PLEKHG1: variants seen among roughly 807,000 people sequenced by gnomAD.
PLEKHG1 encodes the protein pleckstrin homology domain-containing family G member 1.
PLEKHG1 carries 44 observed loss-of-function variants against 100.8 expected under a neutral mutation model. The ratio of observed to expected loss-of-function variants is 0.44; its 90% confidence interval spans 0.34 to 0.56. PLEKHG1 has a LOEUF of 0.56. Ranked by LOEUF, PLEKHG1 falls within the 20% of genes least tolerant of loss-of-function variation. PLEKHG1 has a pLI of 0.01. For missense variants in PLEKHG1, 1,545 were observed against 1,720.9 expected (o/e 0.90, Z 1.81); for synonymous variants, 640 against 662.5 (o/e 0.97, Z 0.52).
At chr6:150,693,245 G>A (rs535252793) in intron 3 of PLEKHG1, among the ~76,000 whole-genome samples, 36 of 152,198 alleles carry the variant, frequency 2.4e-4, no homozygotes, top group African/African-American at 8.7e-4. Flanking sequence ...CCAAGATCAC[G>A]CCACTGCACT....
At chr6:150,710,913 A>G (rs1781220456) in intron 3 of PLEKHG1, among the ~76,000 whole-genome samples, 1 of 152,152 alleles carries the variant, frequency 6.6e-6, no homozygotes, top group East Asian at 1.9e-4. Flanking sequence ...ACGTTTCCAT[A>G]GTGCCTGTGC....
intron 2 of PLEKHG1, among the ~76,000 whole-genome samples, chr6:150,742,386 G>A (rs1782912044): frequency 1.3e-5 from 2 of 152,080 alleles, no homozygotes; most frequent in Admixed American, 1.3e-4. Context: ...CCAACATGGT[G>A]AAACCCTGTC....
intron 6 of PLEKHG1, among the ~76,000 whole-genome samples, chr6:150,801,488 C>T (rs1470258550): frequency 1.4e-5 from 2 of 140,618 alleles, no homozygotes; most frequent in Non-Finnish European, 3.0e-5. Flanking sequence ...CCCAGGCTGG[C>T]GTACAGTGGT....
At chr6:150,810,527 AAAG>A (rs1787445307) in intron 10 of PLEKHG1, among the ~76,000 whole-genome samples, 1 of 88,060 alleles carries the variant, frequency 1.1e-5, no homozygotes, top group Admixed American at 1.0e-4. Flanking sequence ...AGAAAGAAAG[AAAG>A]AAAGAAAGGA....
At chr6:150,804,587 A>AC in intron 6 of PLEKHG1, 23 bp from the exon 8 acceptor site, 1 of 1,458,766 alleles carries the variant, frequency 6.9e-7, no homozygotes, top group Non-Finnish European at 9.2e-7. Context: ...AAAAAAAAAA[A>AC]CCCTCGTTCT....
intron 3 of PLEKHG1, among the ~76,000 whole-genome samples, chr6:150,712,108 C>A (rs1781262327): frequency 6.6e-6 from 1 of 152,176 alleles, no homozygotes; most frequent in Non-Finnish European, 1.5e-5. Flanking sequence ...AGTGGGAAGC[C>A]TTAGCCACTG....
intron 1 of PLEKHG1, among the ~76,000 whole-genome samples, chr6:150,631,253 G>A (rs1398534542): frequency 6.6e-6 from 1 of 151,642 alleles, no homozygotes; most frequent in African/African-American, 2.4e-5. Flanking sequence ...TTCAATTCCT[G>A]TCTCTCTCTC....
In PLEKHG1 at chr6:150,838,815, A is replaced by C. The variant is rs113713621; in HGVS notation, c.3095-1018A>C. ...TAGAGAGCATTAGATTATTGAGTAC[A>C]TGCACAGACGGTTCCTTCTTAATGT... On this transcript the variant is annotated intron_variant, in intron 15 of 15. Coordinates refer to ENST00000358517, the Ensembl canonical transcript of PLEKHG1. Among the ~76,000 whole-genome samples the C allele has an allele frequency of 1.7e-3, 261 of 152,342 alleles. 2 individuals carry two copies. Among genetic ancestry groups the C allele is most frequent in the Middle Eastern group, 6.8e-3 (2 of 294 alleles).
chr6:150,806,223 C>CTTTTTTTT (rs58040509), intron 7 of PLEKHG1, among the ~76,000 whole-genome samples: 1 of 89,782 alleles, frequency 1.1e-5, no homozygotes, highest in Non-Finnish European at 2.1e-5. Context: ...TTCCAGGCTG[C>CTTTTTTTT]TTTTTTTTTT....
chr6:150,786,618 G>A (rs1583128889), intron 4 of PLEKHG1, among the ~76,000 whole-genome samples, 159 bp downstream of exon 5: 1 of 152,124 alleles, frequency 6.6e-6, no homozygotes. Context: ...TATTGTTCCT[G>A]GAGCCAGGGA....
intron 10 of PLEKHG1, among the ~76,000 whole-genome samples, chr6:150,813,101 C>T (rs1449384826): frequency 6.6e-6 from 1 of 151,918 alleles, no homozygotes; most frequent in Non-Finnish European, 1.5e-5. Context: ...GTCAGGAGAT[C>T]AAGACCATCC....
chr6:150,841,321 G>T (rs1777523809), exon 16 of PLEKHG1: 1 of 267,304 alleles, frequency 3.7e-6, no homozygotes, highest in Admixed American at 5.1e-5. Context: ...GAAAGCTGTT[G>T]AAAGAATTAT....
chr6:150,843,117 A>C (rs1373797779), exon 16 of PLEKHG1: 1 of 152,078 alleles, frequency 6.6e-6, no homozygotes, highest in Non-Finnish European at 1.5e-5. Flanking sequence ...TCGCTTTTTG[A>C]TTGGTATTAT....
rs142012639 is a variant in PLEKHG1, at chr6:150,696,493, C to T, written c.-98-37091C>T. 6.0e-3 allele frequency among the ~76,000 whole-genome samples: 920 copies of T among 152,278 alleles called. 10 individuals carry two copies. Among genetic ancestry groups the T allele is most frequent in the African/African-American group, 0.021 (856 of 41,544 alleles). On this transcript the variant is annotated intron_variant, in intron 3 of 3. Transcript: ENST00000367326. ...TCATTACACACACACACGGCACGCA[C>T]GCACTTTCTCCCTTCTTCAAGAATG... is the stretch of plus-strand genomic sequence containing the variant.
At chr6:150,732,815 G>A (rs1360454220) in intron 1 of PLEKHG1, among the ~76,000 whole-genome samples, 1 of 152,184 alleles carries the variant, frequency 6.6e-6, no homozygotes, top group Non-Finnish European at 1.5e-5. Flanking sequence ...TCAAACGCCT[G>A]GCCTCAAGTG....
At chr6:150,750,647 G>A (rs1046120507) in intron 2 of PLEKHG1, among the ~76,000 whole-genome samples, 9 of 149,976 alleles carry the variant, frequency 6.0e-5, no homozygotes, top group African/African-American at 1.5e-4. Context: ...CGGGCGTAGT[G>A]GCGGGCGCCT....
intron 3 of PLEKHG1, among the ~76,000 whole-genome samples, chr6:150,684,760 C>T (rs1042838701): frequency 6.7e-6 from 1 of 149,898 alleles, no homozygotes. Context: ...CTTTTCATGG[C>T]GGGGGGTTGG....
chr6:150,804,166 T>A (rs1786884646), intron 6 of PLEKHG1, among the ~76,000 whole-genome samples: 1 of 44,500 alleles, frequency 2.2e-5, no homozygotes. Flanking sequence ...TATATATATA[T>A]ATATATATAT....
chr6:150,730,956 T>C lies in PLEKHG1; in HGVS notation c.-98-2628T>C, dbSNP rs115184103. Among the ~76,000 whole-genome samples, 487 of 152,004 alleles carry C rather than the reference T, an allele frequency of 3.2e-3. 5 individuals are homozygous for C. Among genetic ancestry groups the C allele is most frequent in the African/African-American group, 0.011 (462 of 41,432 alleles). ...TGTTTAGTCCCAAATCATAGCCTCA[T>C]TGGACCCTTGGGATCTCAAAATATC... On this transcript the variant is annotated intron_variant, in intron 1 of 15. Transcript: ENST00000358517.
Sources: gnomAD v4.1 joint callset for allele counts (sites outside exome capture counted in the v4.1 genomes callset) on GRCh38, gnomAD v4.1.1 for gene constraint, MANE v1.5 for transcripts, NCBI Gene and HGNC (gene_info 2026-07-23, HGNC 2026-07-21) for gene names.